Variants in AKAP19 observed in about 807,000 individuals in gnomAD.
AKAP19 encodes A-kinase anchoring protein 19.
At chr2:189,956,884 G>A in the AKAP19 span, among the ~76,000 whole-genome samples, 1 of 152,216 alleles carries the variant, frequency 6.6e-6, no homozygotes. Context: ...CACCTGGCCA[G>A]TGTTAATATT....
chr2:189,879,599 C>A, the AKAP19 span: 2 of 152,332 alleles, frequency 1.3e-5, no homozygotes, highest in African/African-American at 4.8e-5. Flanking sequence ...CAAGTCCTTA[C>A]AACAGCCCCA....
chr2:190,002,574 G>GAA, the AKAP19 span, among the ~76,000 whole-genome samples: 1 of 151,554 alleles, frequency 6.6e-6, no homozygotes, highest in Non-Finnish European at 1.5e-5. Context: ...AAGAAATAAA[G>GAA]AAAAAAAACA....
chr2:190,110,805 G>A, the AKAP19 span, among the ~76,000 whole-genome samples: 1 of 152,090 alleles, frequency 6.6e-6, no homozygotes, highest in South Asian at 2.1e-4. Context: ...ATGTATGCTG[G>A]CACTTTCCGA....
At chr2:189,909,740 T>C in the AKAP19 span, among the ~76,000 whole-genome samples, 2 of 152,094 alleles carry the variant, frequency 1.3e-5, no homozygotes. Context: ...TATTTTTGTC[T>C]TTTAAGATTT....
chr2:190,050,441 C>A, the AKAP19 span, among the ~76,000 whole-genome samples: 1 of 152,224 alleles, frequency 6.6e-6, no homozygotes, highest in South Asian at 2.1e-4. Flanking sequence ...TGGGCAGGGC[C>A]TTTTTACAGC....
At chr2:189,961,730 G>A in the AKAP19 span, among the ~76,000 whole-genome samples, 1 of 151,864 alleles carries the variant, frequency 6.6e-6, no homozygotes. Flanking sequence ...GGCCAACATA[G>A]TAGAAACCCT....
At chr2:190,186,935 G>A in the AKAP19 span, among the ~76,000 whole-genome samples, 10 of 152,160 alleles carry the variant, frequency 6.6e-5, no homozygotes, top group South Asian at 1.5e-3. The surrounding 1 kb of genome is among the most constrained non-coding windows in gnomAD (Gnocchi z 5.5). Flanking sequence ...CGCCTCCCAG[G>A]TTCAAGTGAT....
chr2:189,895,582 C>A, the AKAP19 span, among the ~76,000 whole-genome samples: 1 of 152,082 alleles, frequency 6.6e-6, no homozygotes, highest in Non-Finnish European at 1.5e-5. Flanking sequence ...TCTAACTCTG[C>A]AGGTGTTAAT....
At chr2:190,015,668 A>C in the AKAP19 span, among the ~76,000 whole-genome samples, 639 of 152,308 alleles carry the variant, frequency 4.2e-3, 6 homozygotes, top group African/African-American at 0.014. Flanking sequence ...TTTCTACTGC[A>C]TGGTCAGGCT....
chr2:189,892,843 T>TC, the AKAP19 span, among the ~76,000 whole-genome samples: 3 of 152,076 alleles, frequency 2.0e-5, no homozygotes, highest in African/African-American at 7.2e-5. Context: ...AGTCACCCCT[T>TC]CCCCCAGGTG....
the AKAP19 span, among the ~76,000 whole-genome samples, chr2:190,126,755 G>A: frequency 1.3e-4 from 19 of 151,744 alleles, no homozygotes; most frequent in Admixed American, 1.2e-3. Context: ...GGGCAAGAGT[G>A]ACAGGAAAAA....
the AKAP19 span, among the ~76,000 whole-genome samples, chr2:190,015,226 C>A: frequency 6.6e-6 from 1 of 152,198 alleles, no homozygotes; most frequent in Non-Finnish European, 1.5e-5. Context: ...TCCACCCCTG[C>A]AGCAAACTTC....
chr2:189,918,767 A>G, the AKAP19 span, among the ~76,000 whole-genome samples: 4 of 152,238 alleles, frequency 2.6e-5, no homozygotes, highest in African/African-American at 7.2e-5. Flanking sequence ...TTCTATCAAT[A>G]GATATGTTGT....
At chr2:190,002,591 A>C in the AKAP19 span, among the ~76,000 whole-genome samples, 2 of 152,192 alleles carry the variant, frequency 1.3e-5, no homozygotes, top group Non-Finnish European at 2.9e-5. Context: ...AACAGAATTC[A>C]TGGGGTCTAG....
the AKAP19 span, among the ~76,000 whole-genome samples, chr2:190,018,971 A>G: frequency 6.6e-6 from 1 of 152,058 alleles, no homozygotes; most frequent in Admixed American, 6.5e-5. Context: ...GGACACCACA[A>G]TTGTCTCTGA....
the AKAP19 span, among the ~76,000 whole-genome samples, chr2:189,913,272 G>A: frequency 6.6e-6 from 1 of 151,938 alleles, no homozygotes; most frequent in African/African-American, 2.4e-5. Context: ...GTAATTAAAA[G>A]TAAATATAAT....
chr2:190,094,458 C>T, the AKAP19 span, among the ~76,000 whole-genome samples: 1 of 152,178 alleles, frequency 6.6e-6, no homozygotes, highest in East Asian at 1.9e-4. Flanking sequence ...GTGATTGAAA[C>T]CCAAGCCTGA....
the AKAP19 span, among the ~76,000 whole-genome samples, chr2:189,921,829 T>C: frequency 6.6e-6 from 1 of 152,150 alleles, no homozygotes; most frequent in African/African-American, 2.4e-5. Flanking sequence ...GAAGAACTAT[T>C]AATTTGTTCA....
At chr2:190,090,049 G>A in the AKAP19 span, among the ~76,000 whole-genome samples, 1 of 152,078 alleles carries the variant, frequency 6.6e-6, no homozygotes, top group African/African-American at 2.4e-5. Flanking sequence ...AGTTCTTGTA[G>A]GTGTATGGTG....
Sources: gnomAD v4.1 joint callset for allele counts (sites outside exome capture counted in the v4.1 genomes callset) on GRCh38, gnomAD v4.1.1 for gene constraint, Gnocchi (gnomAD v3.1) non-coding constraint, MANE v1.5 for transcripts, NCBI Gene and HGNC (gene_info 2026-07-23, HGNC 2026-07-21) for gene names.